Variants in SGCD observed in about 807,000 individuals in gnomAD.
SGCD encodes delta-sarcoglycan.
SGCD carries 18 observed loss-of-function variants against 36.6 expected under a neutral mutation model. The observed-to-expected ratio is 0.49, with a 90% confidence interval of 0.34 to 0.73. SGCD has a LOEUF of 0.73. Among genes scored for constraint, SGCD ranks in the 30% least tolerant of loss-of-function variants. The pLI is 0.01. For synonymous variants in SGCD, 133 were observed against 130.6 expected (o/e 1.02, Z -0.12); for missense variants, 387 against 346.7 (o/e 1.12, Z -0.92).
chr5:155,873,281 T>G (rs1755697731), intron 1 of SGCD, among the ~76,000 whole-genome samples: 1 of 152,126 alleles, frequency 6.6e-6, no homozygotes, highest in Non-Finnish European at 1.5e-5. Context: ...AAAGTATACA[T>G]TTTTTAAAAA....
chr5:156,398,383 G>T (rs537643755), intron 3 of SGCD, among the ~76,000 whole-genome samples: 3 of 152,274 alleles, frequency 2.0e-5, no homozygotes, highest in Non-Finnish European at 2.9e-5. Context: ...GGAATGTTCT[G>T]AACATCTGAT....
In SGCD at chr5:156,344,622, T is replaced by C; in HGVS notation, c.137T>C (p.Ile46Thr). Residue 46 changes from isoleucine (I) to threonine (T), a missense_variant, in exon 3 of 9, where the codon ATA (isoleucine) becomes ACA (threonine). Transcript: ENST00000337851. ...TTTGTCCTGCTCCTCATGATTTTAA[T>C]ACTGGTGAACTTGGCCATGACCATC... is the stretch of plus-strand genomic sequence containing the variant. Reference protein sequence around the residue: ...YFFVLLLMILILVNLAMTIWI... With the variant: ...YFFVLLLMILTLVNLAMTIWI... 1 of 1,612,238 alleles carries C rather than the reference T, an allele frequency of 6.2e-7. No homozygotes were observed. The highest frequency in any genetic ancestry group is 1.1e-5 in the South Asian group (1 of 90,602).
At chr5:155,984,632 C>T (rs746189022) in intron 1 of SGCD, among the ~76,000 whole-genome samples, 17 of 152,170 alleles carry the variant, frequency 1.1e-4, no homozygotes, top group East Asian at 5.8e-4. Flanking sequence ...GTTTCTCACA[C>T]GCCTAGGTTT....
intron 3 of SGCD, among the ~76,000 whole-genome samples, chr5:156,237,430 G>C (rs544910331): frequency 5.6e-4 from 85 of 151,964 alleles, no homozygotes; most frequent in Non-Finnish European, 1.1e-3. Context: ...TTCTAGACCA[G>C]CCTGGCCAAC....
intron 4 of SGCD, among the ~76,000 whole-genome samples, chr5:156,558,523 T>C (rs1759135259): frequency 6.6e-6 from 1 of 152,152 alleles, no homozygotes; most frequent in Non-Finnish European, 1.5e-5. Context: ...AATTTTTAAA[T>C]TCTGTTCTGT....
intron 1 of SGCD, among the ~76,000 whole-genome samples, chr5:156,052,264 G>T (rs1759938764): frequency 6.8e-6 from 1 of 146,146 alleles, no homozygotes; most frequent in Non-Finnish European, 1.5e-5. Context: ...CCACCTGGCT[G>T]TCTCAGTGTC....
At chr5:156,095,414 A>T (rs575515727) in intron 1 of SGCD, among the ~76,000 whole-genome samples, 8 of 152,188 alleles carry the variant, frequency 5.3e-5, no homozygotes, top group Non-Finnish European at 1.0e-4. Flanking sequence ...GGGCAAAGAG[A>T]TTGGAATTGG....
chr5:156,497,130 A>G (rs970144063), intron 3 of SGCD, among the ~76,000 whole-genome samples: 2 of 151,966 alleles, frequency 1.3e-5, no homozygotes, highest in African/African-American at 4.8e-5. Context: ...TAGCCAGGAT[A>G]TTAAAATGCT....
In SGCD at chr5:156,497,616, G is replaced by A. The variant is rs151224643; in HGVS notation, c.193-10985G>A. Among the ~76,000 whole-genome samples the A allele has an allele frequency of 8.8e-5, 13 of 146,968 alleles. No homozygotes were observed. In the East Asian group the frequency reaches 1.6e-3, roughly 18 times the overall value. On this transcript the variant is annotated intron_variant, in intron 3 of 8. Transcript: ENST00000337851. ...TGCTCTCTAGCTCTCTCACTTGTGC[G>A]CGTGCTTTCTCTCTCTCTCTCTCTC...
At chr5:156,438,652 T>A (rs1225654363) in intron 3 of SGCD, among the ~76,000 whole-genome samples, 1 of 152,148 alleles carries the variant, frequency 6.6e-6, no homozygotes, top group African/African-American at 2.4e-5. Flanking sequence ...GTTTAGCGAT[T>A]AATCATATTC....
At chr5:156,506,431 A>G (rs1756697238) in intron 3 of SGCD, among the ~76,000 whole-genome samples, 1 of 152,146 alleles carries the variant, frequency 6.6e-6, no homozygotes, top group Non-Finnish European at 1.5e-5. Flanking sequence ...TCATCCAGTA[A>G]CAATCAGTAT....
chr5:156,246,747 G>A (rs773277142), intron 3 of SGCD, among the ~76,000 whole-genome samples: 1 of 152,130 alleles, frequency 6.6e-6, no homozygotes, highest in Non-Finnish European at 1.5e-5. Context: ...GTAGTGAAAT[G>A]CCACTGTGTA....
chr5:156,703,270 T>TTTTTTTTTTTTTTTTTTTTTTG (rs1473843059), intron 7 of SGCD, among the ~76,000 whole-genome samples: 1 of 152,182 alleles, frequency 6.6e-6, no homozygotes, highest in African/African-American at 2.4e-5. Flanking sequence ...AACATACTTT[T>TTTTTTTTTTTTTTTTTTTTTTG]AAATACCGTT....
intron 1 of SGCD, among the ~76,000 whole-genome samples, chr5:156,106,061 G>T (rs1761638733): frequency 8.3e-6 from 1 of 120,914 alleles, no homozygotes; most frequent in Non-Finnish European, 1.6e-5. Flanking sequence ...AGTGAGTGGA[G>T]ATCATGCCAC....
At chr5:156,105,884 G>A (rs376637199) in intron 1 of SGCD, among the ~76,000 whole-genome samples, 12 of 151,914 alleles carry the variant, frequency 7.9e-5, no homozygotes, top group Middle Eastern at 3.4e-3. Context: ...AGGCCAAGGC[G>A]GGTGGATAAC....
chr5:156,163,509 A>G (rs1293452380), intron 3 of SGCD, among the ~76,000 whole-genome samples: 2 of 151,610 alleles, frequency 1.3e-5, no homozygotes, highest in East Asian at 1.9e-4. Flanking sequence ...TGCTTTCTCC[A>G]CCTAGTAAAC....
At chr5:156,068,945 C>T (rs1033000386) in intron 1 of SGCD, among the ~76,000 whole-genome samples, 29 of 152,084 alleles carry the variant, frequency 1.9e-4, no homozygotes, top group African/African-American at 7.0e-4. Flanking sequence ...CTGTTCATGT[C>T]CTTTGCCCAC....
At chr5:156,656,010 A>G (rs1412164077) in intron 7 of SGCD, among the ~76,000 whole-genome samples, 1 of 152,140 alleles carries the variant, frequency 6.6e-6, no homozygotes, top group Non-Finnish European at 1.5e-5. Flanking sequence ...TTCTGATCCT[A>G]CGAGAATAGG....
chr5:156,416,565 G>T (rs1467349632), intron 3 of SGCD, among the ~76,000 whole-genome samples: 2 of 152,082 alleles, frequency 1.3e-5, no homozygotes, highest in Non-Finnish European at 2.9e-5. Flanking sequence ...AAGTGCTTTG[G>T]CACCTTAATT....
Sources: allele counts gnomAD v4.1 joint callset (sites outside exome capture counted in the v4.1 genomes callset), GRCh38; gene constraint gnomAD v4.1.1; transcripts MANE v1.5; gene names NCBI Gene and HGNC (gene_info 2026-07-23, HGNC 2026-07-21).